The following BDNF variants were observed in gnomAD, a reference collection of about 807,000 sequenced individuals.
BDNF encodes the protein brain derived neurotrophic factor.
A neutral mutation model predicts 19.5 loss-of-function variants in BDNF; 1 was observed. The observed-to-expected ratio is 0.05, with a 90% confidence interval of 0.02 to 0.24. BDNF has a LOEUF of 0.24. Among genes scored for constraint, BDNF ranks in the 10% least tolerant of loss-of-function variants. The pLI, the probability that BDNF is intolerant of heterozygous loss-of-function variation, is 1.00. For missense variants in BDNF, 195 were observed against 317.6 expected (o/e 0.61, Z 2.93); for synonymous variants, 100 against 121.6 (o/e 0.82, Z 1.17).
chr11:27,674,841 T>G (rs1855873203), intron 1 of BDNF: 1 of 928,748 alleles, frequency 1.1e-6, no homozygotes, highest in South Asian at 5.0e-5. Flanking sequence ...CAATACAGTA[T>G]TTGTTGGTGA....
intron 1 of BDNF, among the ~76,000 whole-genome samples, chr11:27,715,781 A>G (rs1315866052): frequency 6.6e-6 from 1 of 152,158 alleles, no homozygotes; most frequent in Non-Finnish European, 1.5e-5. Context: ...ATAATTCTGC[A>G]CCTTACTTTC....
intron 1 of BDNF, chr11:27,674,016 AG>A: frequency 2.0e-6 from 3 of 1,495,980 alleles, no homozygotes; most frequent in Non-Finnish European, 2.7e-6. Flanking sequence ...CTTGGGGGAA[AG>A]ATAAAATTAG....
chr11:27,658,497 T>G lies in BDNF; in HGVS notation c.68A>C (p.Glu23Ala). 6 of 1,614,180 alleles carry G rather than the reference T, an allele frequency of 3.7e-6. No individual in the cohort carries two copies. The highest frequency in any genetic ancestry group is 4.2e-6 in the Non-Finnish European group (5 of 1,180,036). ...GCCACCTTGTCCTCGGATGTTTGCT[T>G]CTTTCATGGGGGCAGCCTTCATGCA... ...FGCMKAAPMKEANIRGQGGLA... is the reference protein window; with the variant it reads ...FGCMKAAPMKAANIRGQGGLA... The change falls in exon 2 of 2, where the codon GAA becomes GCA. Residue 23 changes from glutamate (E) to alanine (A), a missense_variant. Physicochemically the swap from Glu to Ala is moderately radical, Grantham distance 107 (BLOSUM62 -1). Transcript: ENST00000356660. The surrounding 1 kb of genome is among the most constrained non-coding windows in gnomAD (Gnocchi z 5.7).
chr11:27,661,666 CTAA>C (rs1426530922), intron 1 of BDNF, among the ~76,000 whole-genome samples: 1 of 152,190 alleles, frequency 6.6e-6, no homozygotes, highest in Non-Finnish European at 1.5e-5. Flanking sequence ...CTGCTCAAAT[CTAA>C]TGTCTTCTCT....
At chr11:27,663,015 A>T (rs1853712643) in intron 1 of BDNF, among the ~76,000 whole-genome samples, 1 of 152,228 alleles carries the variant, frequency 6.6e-6, no homozygotes, top group South Asian at 2.1e-4. Flanking sequence ...TTTCTAACAG[A>T]TCAATAAGAG....
chr11:27,701,220 C>G (rs1174620882), upstream of BDNF: 1 of 1,191,294 alleles, frequency 8.4e-7, no homozygotes, highest in Non-Finnish European at 1.1e-6. Context: ...CAGGCAATGA[C>G]AGACCTCGCT....
upstream of BDNF, chr11:27,701,119 T>C: frequency 2.3e-6 from 3 of 1,287,424 alleles, no homozygotes; most frequent in East Asian, 5.6e-5. Context: ...GTTTGCCTAA[T>C]AGGAATTCAA....
chr11:27,683,673 C>T (rs1219640448), intron 1 of BDNF, among the ~76,000 whole-genome samples: 3 of 152,168 alleles, frequency 2.0e-5, no homozygotes, highest in Non-Finnish European at 4.4e-5. Context: ...ATCCTTTCTG[C>T]ATTGCTTGTT....
At chr11:27,669,292 C>T (rs1220524755) in intron 1 of BDNF, among the ~76,000 whole-genome samples, 2 of 152,176 alleles carry the variant, frequency 1.3e-5, no homozygotes, top group Non-Finnish European at 2.9e-5. Flanking sequence ...AAACCCACAG[C>T]CAATGTCATA....
chr11:27,683,391 G>A (rs1384682094), intron 1 of BDNF, among the ~76,000 whole-genome samples: 2 of 152,068 alleles, frequency 1.3e-5, no homozygotes, highest in African/African-American at 4.8e-5. Context: ...CTTTTGCTGT[G>A]CAGAAGCTCT....
chr11:27,721,543 A>G (rs1860739733), exon 1 of BDNF: 1 of 931,370 alleles, frequency 1.1e-6, no homozygotes, highest in Non-Finnish European at 1.8e-6. Flanking sequence ...ATCGCCCACC[A>G]CTTGGTGTGA....
chr11:27,697,486 C>T (rs1400107331), intron 1 of BDNF: 1 of 152,150 alleles, frequency 6.6e-6, no homozygotes. Context: ...AGGATTTTCC[C>T]TCCTGGTGAG....
intron 1 of BDNF, among the ~76,000 whole-genome samples, chr11:27,669,710 A>G (rs1169415121): frequency 1.3e-5 from 2 of 152,110 alleles, no homozygotes; most frequent in Non-Finnish European, 2.9e-5. Flanking sequence ...GGGATGTGGA[A>G]GACCTCTTCA....
intron 1 of BDNF, among the ~76,000 whole-genome samples, chr11:27,721,124 G>A (rs577271971): frequency 1.3e-5 from 2 of 151,690 alleles, no homozygotes; most frequent in East Asian, 3.9e-4. Flanking sequence ...TACACATTAA[G>A]GAAAAGAATA....
At chr11:27,713,301 A>G (rs1352056478) in intron 1 of BDNF, among the ~76,000 whole-genome samples, 2 of 152,358 alleles carry the variant, frequency 1.3e-5, no homozygotes, top group East Asian at 3.9e-4. Flanking sequence ...TTCCTACTAA[A>G]GTAGCCAGAA....
At chr11:27,676,680 TTA>T (rs771212867) in intron 1 of BDNF, among the ~76,000 whole-genome samples, 30 of 152,348 alleles carry the variant, frequency 2.0e-4, no homozygotes, top group Middle Eastern at 3.4e-3. Flanking sequence ...TAAATTTATC[TTA>T]TAAAGTACTA....
At chr11:27,699,825 C>A (rs979103938) in intron 1 of BDNF, among the ~76,000 whole-genome samples, 8 of 152,284 alleles carry the variant, frequency 5.3e-5, no homozygotes, top group African/African-American at 1.9e-4. Context: ...CCCCCTAAGT[C>A]TCTCTCGACT....
chr11:27,696,458 C>A (rs1859005443), intron 1 of BDNF: 1 of 152,196 alleles, frequency 6.6e-6, no homozygotes, highest in Non-Finnish European at 1.5e-5. Context: ...TATCACAACA[C>A]AACTTGATGC....
intron 1 of BDNF, among the ~76,000 whole-genome samples, chr11:27,662,604 G>A (rs1436478713): frequency 6.6e-6 from 1 of 152,180 alleles, no homozygotes; most frequent in Non-Finnish European, 1.5e-5. Context: ...GGATGAAATG[G>A]TTCCACCTTA....
Sources: allele counts gnomAD v4.1 joint callset (sites outside exome capture counted in the v4.1 genomes callset), GRCh38; gene constraint gnomAD v4.1.1; non-coding constraint Gnocchi (gnomAD v3.1); transcripts MANE v1.5; gene names NCBI Gene and HGNC (gene_info 2026-07-23, HGNC 2026-07-21).